Variants in PSMC6 observed in about 807,000 individuals in gnomAD.
PSMC6 encodes proteasome 26S subunit, ATPase 6, also known as 26S proteasome regulatory subunit 10B.
A neutral mutation model predicts 55.9 loss-of-function variants in PSMC6; 3 were observed. The ratio of observed to expected loss-of-function variants is 0.05; its 90% confidence interval spans 0.02 to 0.14. The LOEUF (loss-of-function observed/expected upper bound fraction) is 0.14, where lower values mean the gene tolerates loss of function less well. Among genes scored for constraint, PSMC6 ranks in the 10% least tolerant of loss-of-function variants. PSMC6 has a pLI of 1.00. For synonymous variants in PSMC6, 137 were observed against 155.9 expected (o/e 0.88, Z 0.90); for missense variants, 210 against 478.7 (o/e 0.44, Z 5.24).
At chr14:52,711,334 A>C in intron 5 of PSMC6, 76 bp from the exon 6 acceptor site, 1 of 1,354,584 alleles carries the variant, frequency 7.4e-7, no homozygotes, top group South Asian at 1.3e-5. Context: ...TTGCTTGAGC[A>C]AGTTATTTAT....
At chr14:52,715,494 T>C (rs1319923068) in intron 7 of PSMC6, among the ~76,000 whole-genome samples, 2 of 152,254 alleles carry the variant, frequency 1.3e-5, no homozygotes, top group Non-Finnish European at 2.9e-5. Context: ...AAGCCTGTCA[T>C]GTTAAACAAC....
At chr14:52,718,206 C>T in intron 8 of PSMC6, 23 bp from the exon 9 acceptor site, 2 of 1,609,390 alleles carry the variant, frequency 1.2e-6, no homozygotes, top group Non-Finnish European at 1.7e-6. Flanking sequence ...TTATATTTAC[C>T]TTACTGTTTT....
At chr14:52,724,245 T>C (rs1880316733) in intron 13 of PSMC6, among the ~76,000 whole-genome samples, 1 of 152,038 alleles carries the variant, frequency 6.6e-6, no homozygotes, top group Non-Finnish European at 1.5e-5. Context: ...TTGAGGTAGG[T>C]GCTGTAGGAA....
chr14:52,714,702 C>G (rs1483361058), intron 7 of PSMC6, among the ~76,000 whole-genome samples: 1 of 151,658 alleles, frequency 6.6e-6, no homozygotes, highest in Non-Finnish European at 1.5e-5. Context: ...CCTGTCTCTA[C>G]TAAAAATACA....
At chr14:52,710,985 T>G in intron 4 of PSMC6, 116 bp from the exon 5 acceptor site, 2 of 838,250 alleles carry the variant, frequency 2.4e-6, no homozygotes, top group South Asian at 1.5e-5. Flanking sequence ...TAATCTGATA[T>G]TTGTGTTCTC....
intron 7 of PSMC6, among the ~76,000 whole-genome samples, chr14:52,717,378 A>C (rs964587047): frequency 1.6e-5 from 2 of 122,462 alleles, no homozygotes; most frequent in East Asian, 2.4e-4. Context: ...TCTGTCACCC[A>C]GGCTGGAGTG....
intron 3 of PSMC6, 107 bp downstream of exon 3, chr14:52,708,629 T>C: frequency 6.5e-7 from 1 of 1,526,920 alleles, no homozygotes; most frequent in South Asian, 1.2e-5. Flanking sequence ...AGAGAGTATT[T>C]TTGAATAGAC....
intron 7 of PSMC6, 53 bp downstream of exon 7, chr14:52,714,021 T>TAAAAA: frequency 2.1e-6 from 2 of 964,178 alleles, no homozygotes; most frequent in Non-Finnish European, 3.0e-6. Flanking sequence ...ATTAAGGAAT[T>TAAAAA]AAAAAAAAAA....
At chr14:52,722,715 A>G (rs1483971089) in intron 12 of PSMC6, 2 of 152,222 alleles carry the variant, frequency 1.3e-5, no homozygotes, top group African/African-American at 2.4e-5. Flanking sequence ...CCAGTAAAAC[A>G]TGGCTTGTGA....
intron 7 of PSMC6, 70 bp from the exon 8 acceptor site, chr14:52,718,011 T>C: frequency 2.2e-6 from 3 of 1,391,644 alleles, no homozygotes; most frequent in Non-Finnish European, 3.1e-6. Context: ...GGTGACAGAG[T>C]GATTGCCTGT....
chr14:52,711,418 C>T lies in PSMC6; in HGVS notation c.335C>T (p.Pro112Leu), dbSNP rs781214722. Residue 112 changes from proline (P) to leucine (L), a missense_variant, in exon 6 of 14, where the codon CCG becomes CTG. Pro to Leu is a moderately conservative substitution (Grantham distance 98, BLOSUM62 -3). Coordinates refer to ENST00000445930, the MANE Select transcript of PSMC6 (RefSeq NM_002806.5). ...ATACCTTTTCATTCTAGATATTTGC[C>T]GAGAGAGGTGGATCCACTGGTTTAT... is the stretch of plus-strand genomic sequence containing the variant. Reference protein sequence around the residue: ...MTTLTIMRYLPREVDPLVYNM... With the variant: ...MTTLTIMRYLLREVDPLVYNM... 28 of 1,601,992 alleles carry T rather than the reference C, an allele frequency of 1.7e-5. No individual in the cohort carries two copies. Among genetic ancestry groups the T allele is most frequent in the East Asian group, 1.3e-4 (6 of 44,784 alleles).
chr14:52,720,222 CA>C (rs34123680), intron 10 of PSMC6, among the ~76,000 whole-genome samples: 5,090 of 62,336 alleles, frequency 0.082, 129 homozygotes, highest in African/African-American at 0.18. Flanking sequence ...AGTCTGTCTC[CA>C]AAAAAAAAAA....
chr14:52,712,390 A>AAAAAAAAAAAAG, intron 6 of PSMC6, among the ~76,000 whole-genome samples: 1 of 152,098 alleles, frequency 6.6e-6, no homozygotes, highest in South Asian at 2.1e-4. Flanking sequence ...AGTGTAAAAA[A>AAAAAAAAAAAAG]AAAAGGCAGT....
At chr14:52,720,449 A>G (rs372421276) in intron 10 of PSMC6, among the ~76,000 whole-genome samples, 16 of 151,242 alleles carry the variant, frequency 1.1e-4, no homozygotes, top group African/African-American at 3.6e-4. Context: ...CATTTATCCT[A>G]ATATAAATGT....
chr14:52,720,279 G>A (rs2041875773), intron 10 of PSMC6, among the ~76,000 whole-genome samples: 1 of 136,308 alleles, frequency 7.3e-6, no homozygotes, highest in African/African-American at 2.8e-5. Context: ...GAGGTGGGAG[G>A]ACTGGTCGAG....
At chr14:52,724,240 G>A (rs1185073883) in intron 13 of PSMC6, among the ~76,000 whole-genome samples, 1 of 152,196 alleles carries the variant, frequency 6.6e-6, no homozygotes, top group East Asian at 1.9e-4. Context: ...CACCATTGAG[G>A]TAGGTGCTGT....
At chr14:52,712,950 G>T (rs762260405) in intron 6 of PSMC6, among the ~76,000 whole-genome samples, 1 of 151,952 alleles carries the variant, frequency 6.6e-6, no homozygotes, top group African/African-American at 2.4e-5. Flanking sequence ...TTTCTCTCTC[G>T]GTCAGGCATG....
At chr14:52,721,942 AG>A (rs1467065383) in intron 12 of PSMC6, 1 of 152,246 alleles carries the variant, frequency 6.6e-6, no homozygotes, top group Non-Finnish European at 1.5e-5. Context: ...GTTTTTTTGT[AG>A]GGATGGGGTT....
intron 7 of PSMC6, among the ~76,000 whole-genome samples, chr14:52,715,012 G>A (rs2041815838): frequency 6.6e-6 from 1 of 151,872 alleles, no homozygotes; most frequent in Non-Finnish European, 1.5e-5. Flanking sequence ...TGTGCTGATG[G>A]TGCAAGAGCA....
Sources: gnomAD v4.1 joint callset for allele counts (sites outside exome capture counted in the v4.1 genomes callset) on GRCh38, gnomAD v4.1.1 for gene constraint, MANE v1.5 for transcripts, NCBI Gene and HGNC (gene_info 2026-07-23, HGNC 2026-07-21) for gene names.